Variants in UBQLN1 observed in about 807,000 individuals in gnomAD.
UBQLN1 encodes the protein ubiquilin-1.
A neutral mutation model predicts 65.4 loss-of-function variants in UBQLN1; 13 were observed. The ratio of observed to expected loss-of-function variants is 0.20; its 90% CI spans 0.13 to 0.32. UBQLN1 has a LOEUF of 0.32. Among genes scored for constraint, UBQLN1 ranks in the 10% least tolerant of loss-of-function variants. The pLI, the probability that UBQLN1 is intolerant of heterozygous loss-of-function variation, is 1.00. For missense variants in UBQLN1, 561 were observed against 724.0 expected, an observed-to-expected ratio of 0.77 and a Z score of 2.58; for synonymous variants, 267 against 247.8, an observed-to-expected ratio of 1.08 and a Z score of -0.73.
intron 1 of UBQLN1, among the ~76,000 whole-genome samples, chr9:83,698,131 T>A (rs559406813): frequency 1.3e-5 from 2 of 152,346 alleles, no homozygotes; most frequent in South Asian, 4.1e-4. Flanking sequence ...GCCTTATAAA[T>A]CATGCCTGCA....
At chr9:83,667,738 T>C (rs565362453) in intron 7 of UBQLN1, 13 of 978,276 alleles carry the variant, frequency 1.3e-5, no homozygotes, top group Non-Finnish European at 1.6e-5. Flanking sequence ...AGATACTTCT[T>C]ATAACTTACC....
At position 83,661,935 on chromosome 9, in the gene UBQLN1, T is replaced by C; in HGVS notation, c.1622A>G (p.Gln541Arg). Reference protein sequence around the residue: ...QALAGVNPQLQNPEVRFQQQL... With the variant: ...QALAGVNPQLRNPEVRFQQQL... ...TTGCTGAAATCTGACTTCTGGATTC[T>C]GTAGCTATTAAAGAAAAAAAAAATT... The change falls in exon 11 of 11, where the codon CAG (glutamine) becomes CGG (arginine). Residue 541 changes from glutamine (Q) to arginine (R), a missense_variant. This residue lies in a region of UBQLN1 where 68 missense variants were observed against 62.2 expected (regional missense o/e 1.09). Transcript: ENST00000376395. The C allele has an allele frequency of 6.2e-7, 1 of 1,609,236 alleles. No individual in the cohort carries two copies. Among genetic ancestry groups the C allele is most frequent in the Non-Finnish European group, 8.5e-7 (1 of 1,178,174 alleles).
At chr9:83,664,898 C>T (rs1275890451) in intron 9 of UBQLN1, 132 bp downstream of exon 9, 15 of 634,886 alleles carry the variant, frequency 2.4e-5, no homozygotes, top group African/African-American at 2.3e-4. Flanking sequence ...ATAGCCTAGG[C>T]GAAGGGCGAG....
At chr9:83,670,817 T>C (rs1289754630) in intron 6 of UBQLN1, among the ~76,000 whole-genome samples, 1 of 152,148 alleles carries the variant, frequency 6.6e-6, no homozygotes, top group African/African-American at 2.4e-5. Flanking sequence ...TCGTTGTCAT[T>C]TCAATAATGT....
At position 83,660,918 on chromosome 9, in the gene UBQLN1, A is replaced by C. The variant is rs1831552717; in HGVS notation, c.*869T>G. ...TCAATTACAAATTTTAATGCCTGTT[A>C]AACTACCTATGGGAGAAGCTGAGAA... On this transcript the variant is annotated 3_prime_UTR_variant, in exon 11 of 11. Transcript: ENST00000376395. 1 of 152,570 alleles carries C rather than the reference A, an allele frequency of 6.6e-6. No homozygotes were observed. The highest frequency in any genetic ancestry group is 1.5e-5 in the Non-Finnish European group (1 of 68,042). The allele number at this position is 152,570 out of a possible 1,614,324, so 9.5% of individuals were successfully genotyped here.
chr9:83,668,020 A>AAG (rs2131144831), intron 7 of UBQLN1: 1 of 985,458 alleles, frequency 1.0e-6, no homozygotes, highest in African/African-American at 1.7e-5. Flanking sequence ...TTTTAAAAGC[A>AAG]AGATGCACAT....
At chr9:83,707,454 G>T in intron 1 of UBQLN1, 46 bp downstream of exon 1, 1 of 1,559,510 alleles carries the variant, frequency 6.4e-7, no homozygotes, top group South Asian at 1.2e-5. Context: ...GCGGGCGGAG[G>T]TCCTGCCGCC....
At chr9:83,702,785 C>T (rs932465012) in intron 1 of UBQLN1, among the ~76,000 whole-genome samples, 5 of 151,818 alleles carry the variant, frequency 3.3e-5, no homozygotes, top group Admixed American at 2.0e-4. Context: ...TACAGTATAA[C>T]GTTAAATCAT....
At chr9:83,704,356 G>A (rs751794027) in intron 1 of UBQLN1, among the ~76,000 whole-genome samples, 1 of 152,106 alleles carries the variant, frequency 6.6e-6, no homozygotes, top group Non-Finnish European at 1.5e-5. Context: ...ACATTTTCCT[G>A]TATCTGTTTC....
At chr9:83,664,923 CAAAAAAAAA>C (rs539581441) in intron 9 of UBQLN1, 98 bp downstream of exon 9, 507 of 231,766 alleles carry the variant, frequency 2.2e-3, no homozygotes, top group African/African-American at 0.016. Flanking sequence ...TGTATCCCAC[CAAAAAAAAA>C]AAAAAAAAAA....
intron 1 of UBQLN1, among the ~76,000 whole-genome samples, chr9:83,704,286 T>G (rs1832359860): frequency 6.6e-6 from 1 of 152,214 alleles, no homozygotes; most frequent in South Asian, 2.1e-4. Flanking sequence ...TGGCATATCT[T>G]TTGTGCTTCA....
chr9:83,665,741 C>T (rs1481376086), intron 8 of UBQLN1, among the ~76,000 whole-genome samples: 1 of 152,196 alleles, frequency 6.6e-6, no homozygotes, highest in Non-Finnish European at 1.5e-5. Flanking sequence ...TTGCATAATA[C>T]ATGAGGCCCT....
At chr9:83,677,538 T>A (rs942912040) in intron 6 of UBQLN1, among the ~76,000 whole-genome samples, 189 bp downstream of exon 6, 3 of 151,918 alleles carry the variant, frequency 2.0e-5, no homozygotes, top group African/African-American at 7.2e-5. Context: ...CTCCAGCCTG[T>A]GCAACAAGAG....
chr9:83,703,672 T>C (rs568686648), intron 1 of UBQLN1, among the ~76,000 whole-genome samples: 11 of 152,300 alleles, frequency 7.2e-5, no homozygotes, highest in African/African-American at 2.2e-4. Context: ...CTACCTATTC[T>C]AGCAACCTGT....
intron 6 of UBQLN1, among the ~76,000 whole-genome samples, chr9:83,673,289 A>G (rs1296404818): frequency 6.6e-6 from 1 of 151,634 alleles, no homozygotes; most frequent in African/African-American, 2.4e-5. Flanking sequence ...CTGTAATCCT[A>G]GCACTTTGGG....
At chr9:83,688,443 A>G (rs1489787060) in intron 1 of UBQLN1, among the ~76,000 whole-genome samples, 2 of 152,294 alleles carry the variant, frequency 1.3e-5, no homozygotes, top group East Asian at 3.9e-4. Context: ...TTAACCTTAA[A>G]CTCAGAAATG....
Position 83,704,629 on chromosome 9 carries a change from A to C in UBQLN1, c.180+2871T>G, listed in dbSNP as rs1382639765. On this transcript the variant is annotated intron_variant, in intron 1 of 10. Coordinates refer to ENST00000376395, the MANE Select transcript of UBQLN1 (RefSeq NM_013438.5). ...ATCACAAGATCAGGAGTTCGAGACC[A>C]GCCTGGCCAACATGGTGAAACCCTG... Among the ~76,000 whole-genome samples the C allele has an allele frequency of 2.0e-5, 3 of 152,296 alleles. No homozygotes were observed. In the East Asian group the frequency reaches 5.8e-4, roughly 29 times the overall value.
chr9:83,680,591 A>G (rs1440280403), intron 3 of UBQLN1, among the ~76,000 whole-genome samples: 1 of 152,170 alleles, frequency 6.6e-6, no homozygotes, highest in Admixed American at 6.5e-5. Context: ...GAGTGTTAGG[A>G]GGGTTGTGCG....
intron 1 of UBQLN1, among the ~76,000 whole-genome samples, chr9:83,706,402 A>T (rs4877799): frequency 4.6e-5 from 7 of 152,084 alleles, no homozygotes; most frequent in African/African-American, 1.7e-4. Flanking sequence ...AACAAAAGTG[A>T]TAATTCTGTT....
Sources: allele counts gnomAD v4.1 joint callset (sites outside exome capture counted in the v4.1 genomes callset), GRCh38; gene constraint gnomAD v4.1.1; regional missense constraint gnomAD v4.1.1; transcripts MANE v1.5; gene names NCBI Gene and HGNC (gene_info 2026-07-23, HGNC 2026-07-21).